Variants in GPHN observed in about 807,000 individuals in gnomAD.
GPHN encodes gephyrin.
A neutral mutation model predicts 95.5 loss-of-function variants in GPHN; 17 were observed. That is an observed-to-expected ratio of 0.18 (90% confidence interval 0.12 to 0.27). GPHN has a LOEUF of 0.27. Among genes scored for constraint, GPHN ranks in the 10% least tolerant of loss-of-function variants. The probability of loss-of-function intolerance (pLI) is 1.00; values close to 1 mark genes in which losing one functional copy is unlikely to be tolerated. For missense variants in GPHN, 660 were observed against 978.1 expected, an observed-to-expected ratio of 0.67 and a Z score of 4.34; for synonymous variants, 320 against 322.5, an observed-to-expected ratio of 0.99 and a Z score of 0.08.
chr14:67,045,520 T>C (rs1164450664), intron 10 of GPHN, among the ~76,000 whole-genome samples: 1 of 151,866 alleles, frequency 6.6e-6, no homozygotes, highest in Non-Finnish European at 1.5e-5. Context: ...TGTCTGTCTC[T>C]CTCTGTGTAT....
the GPHN span, among the ~76,000 whole-genome samples, chr14:67,330,455 A>ATTTTT: frequency 1.7e-5 from 2 of 117,808 alleles, no homozygotes; most frequent in East Asian, 2.3e-4. Context: ...ATTTCCCTTC[A>ATTTTT]TTTTTTTTTT....
chr14:66,804,288 G>T (rs987853735), intron 3 of GPHN, among the ~76,000 whole-genome samples: 6 of 152,160 alleles, frequency 3.9e-5, no homozygotes, highest in Non-Finnish European at 8.8e-5. Flanking sequence ...TTCATAGGCT[G>T]CAGCCCAGCT....
chr14:66,678,283 A>T (rs887399564), intron 1 of GPHN, among the ~76,000 whole-genome samples: 2 of 150,926 alleles, frequency 1.3e-5, no homozygotes, highest in African/African-American at 2.4e-5. Context: ...TCTTTTTTAA[A>T]TTTTTTTTTC....
chr14:67,498,734 C>T, the GPHN span, among the ~76,000 whole-genome samples: 17 of 151,560 alleles, frequency 1.1e-4, no homozygotes, highest in East Asian at 3.3e-3. Context: ...GGCGTGATCT[C>T]GGCTCACCGC....
the GPHN span, among the ~76,000 whole-genome samples, chr14:67,218,434 G>A: frequency 1.7e-4 from 26 of 152,178 alleles, no homozygotes; most frequent in African/African-American, 6.3e-4. Flanking sequence ...CTGACTCAGG[G>A]ACGTGCTCAC....
At chr14:67,115,250 AAG>A (rs1356522979) in intron 16 of GPHN, among the ~76,000 whole-genome samples, 1 of 152,140 alleles carries the variant, frequency 6.6e-6, no homozygotes, top group African/African-American at 2.4e-5. Flanking sequence ...ATAAAAAAAA[AAG>A]AGATAAATAA....
chr14:67,253,269 C>T, the GPHN span, among the ~76,000 whole-genome samples: 3 of 152,154 alleles, frequency 2.0e-5, no homozygotes, highest in Non-Finnish European at 2.9e-5. Flanking sequence ...ATATTAAGCA[C>T]TCTTTCAATG....
the GPHN span, chr14:67,729,786 C>T: frequency 2.0e-6 from 1 of 500,336 alleles, no homozygotes; most frequent in South Asian, 1.5e-5. Context: ...TCGGTGTGAA[C>T]TCTGTCCCTC....
intron 1 of GPHN, among the ~76,000 whole-genome samples, chr14:66,566,740 A>C (rs960801604): frequency 6.6e-6 from 1 of 152,124 alleles, no homozygotes; most frequent in East Asian, 1.9e-4. Flanking sequence ...GTTTATTTAC[A>C]CCTAAATATT....
At chr14:66,677,268 A>G (rs1014089489) in intron 1 of GPHN, among the ~76,000 whole-genome samples, 4 of 151,744 alleles carry the variant, frequency 2.6e-5, no homozygotes, top group Admixed American at 2.0e-4. Context: ...TTTTGTCTCT[A>G]TTTACTTCTG....
intron 1 of GPHN, among the ~76,000 whole-genome samples, chr14:66,631,549 A>C (rs1288597421): frequency 1.3e-5 from 2 of 152,166 alleles, no homozygotes; most frequent in African/African-American, 4.8e-5. Context: ...ACAAGATAGC[A>C]CCTTTATTTT....
chr14:67,612,042 C>A, the GPHN span, among the ~76,000 whole-genome samples: 1 of 152,196 alleles, frequency 6.6e-6, no homozygotes, highest in Non-Finnish European at 1.5e-5. Context: ...AGGGTCCACA[C>A]TCCTAGGACA....
chr14:67,138,742 T>A (rs146632473), intron 17 of GPHN, among the ~76,000 whole-genome samples: 1 of 152,192 alleles, frequency 6.6e-6, no homozygotes, highest in African/African-American at 2.4e-5. Flanking sequence ...TAAGCTATGG[T>A]TAACCAAAAT....
At chr14:66,965,600 A>G (rs1350001015) in intron 9 of GPHN, among the ~76,000 whole-genome samples, 2 of 152,068 alleles carry the variant, frequency 1.3e-5, no homozygotes, top group Non-Finnish European at 2.9e-5. Context: ...TAGATTTGTT[A>G]TTTTTTAGTA....
intron 2 of GPHN, among the ~76,000 whole-genome samples, chr14:66,730,592 A>G (rs2071675516): frequency 6.6e-6 from 1 of 152,206 alleles, no homozygotes; most frequent in Non-Finnish European, 1.5e-5. Context: ...AAGAAAAGTA[A>G]TATTAAAATA....
intron 3 of GPHN, among the ~76,000 whole-genome samples, chr14:66,804,003 G>C (rs927587462): frequency 1.3e-5 from 2 of 148,740 alleles, no homozygotes; most frequent in Non-Finnish European, 2.9e-5. Flanking sequence ...TCTCTTTTGG[G>C]GGTTTTTTTT....
chr14:66,844,038 T>G (rs891996432), intron 4 of GPHN, among the ~76,000 whole-genome samples: 29 of 152,102 alleles, frequency 1.9e-4, no homozygotes, highest in Non-Finnish European at 4.0e-4. Flanking sequence ...AAGATTTTTT[T>G]GCAACTTTAA....
the GPHN span, chr14:67,646,847 C>T: frequency 7.3e-7 from 1 of 1,376,998 alleles, no homozygotes; most frequent in South Asian, 1.2e-5. Flanking sequence ...AACAAACCCA[C>T]CCTCTCCCCC....
At chr14:66,817,643 T>C (rs1406907312) in intron 3 of GPHN, among the ~76,000 whole-genome samples, 2 of 152,190 alleles carry the variant, frequency 1.3e-5, no homozygotes, top group Non-Finnish European at 2.9e-5. Context: ...GTCACTCATG[T>C]AGCTGAAATA....
Sources: allele counts gnomAD v4.1 joint callset (sites outside exome capture counted in the v4.1 genomes callset), GRCh38; gene constraint gnomAD v4.1.1; transcripts MANE v1.5; gene names NCBI Gene and HGNC (gene_info 2026-07-23, HGNC 2026-07-21).